NDUFC2: variants seen among roughly 807,000 people sequenced by gnomAD.
The protein encoded by NDUFC2 is NADH dehydrogenase [ubiquinone] 1 subunit C2.
In NDUFC2, 2 loss-of-function variants were observed where a neutral mutation model predicts 10.1. The ratio of observed to expected loss-of-function variants is 0.20; its 90% CI spans 0.08 to 0.62. The LOEUF (loss-of-function observed/expected upper bound fraction) is 0.62, where lower values mean the gene tolerates loss of function less well. NDUFC2 is among the 20% of genes least tolerant of loss of function. NDUFC2 has a pLI of 0.87. For missense variants in NDUFC2, 156 were observed against 159.6 expected, an observed-to-expected ratio of 0.98 and a Z score of 0.12; for synonymous variants, 61 against 63.6, an observed-to-expected ratio of 0.96 and a Z score of 0.20.
chr11:78,073,017 T>A lies in NDUFC2; in HGVS notation c.291A>T (p.Pro97=). Residue 97 remains proline (P), a synonymous_variant, in exon 2 of 3, where the codon CCA becomes CCT. Transcript: ENST00000281031. ...REMFGYMKLH[P]EDFPEEDKKT... is the part of the protein sequence containing the mutation. ...AAATACCTTCTTCAGGAAAATCCTC[T>A]GGATGTAATTTCATATATCCAAACA... The A allele has an allele frequency of 6.2e-7, 1 of 1,612,606 alleles. No individual in the cohort carries two copies. Among genetic ancestry groups the A allele is most frequent in the Non-Finnish European group, 8.5e-7 (1 of 1,179,750 alleles).
At chr11:78,075,974 C>A (rs1184980446) in intron 1 of NDUFC2, among the ~76,000 whole-genome samples, 2 of 152,188 alleles carry the variant, frequency 1.3e-5, no homozygotes, top group African/African-American at 4.8e-5. Context: ...ACTCCTCCAA[C>A]TGTCTTAGAA....
intron 1 of NDUFC2, 76 bp from the exon 2 acceptor site, chr11:78,073,217 C>T (rs919985340): frequency 4.2e-5 from 68 of 1,602,128 alleles, no homozygotes; most frequent in African/African-American, 5.4e-5. Context: ...TTTGGCTGGA[C>T]GCAGTGGCTC....
At chr11:78,078,790 A>G (rs1859367660) in intron 1 of NDUFC2, among the ~76,000 whole-genome samples, 1 of 126,858 alleles carries the variant, frequency 7.9e-6, no homozygotes, top group South Asian at 2.7e-4. Flanking sequence ...CAATGGTGCA[A>G]TCTCGGCTTA....
rs1858885713 is a variant in NDUFC2 at position 78,069,305 on chromosome 11, T to C, written c.*682A>G. 6.5e-6 allele frequency: 1 copy of C among 152,868 alleles called. No individual in the cohort carries two copies. Among genetic ancestry groups the C allele is most frequent in the South Asian group, 2.1e-4 (1 of 4,850 alleles). 9.5% of individuals were successfully genotyped at this position (152,868 alleles called of 1,614,324 possible). On this transcript the variant is annotated 3_prime_UTR_variant, in exon 3 of 3. Coordinates refer to ENST00000281031, the MANE Select transcript of NDUFC2 (RefSeq NM_004549.6). ...AGTATTAGCTCCTGAGTCCATTTTCTCCAGGATAACCCACCTAAGAGCAAA... is the reference window on the plus strand; with the variant it reads ...AGTATTAGCTCCTGAGTCCATTTTCCCCAGGATAACCCACCTAAGAGCAAA...
rs2136849020 is a variant in NDUFC2 at position 78,079,591 on chromosome 11, T to C, written c.154A>G (p.Ile52Val). 1 of 1,553,036 alleles carries C rather than the reference T, an allele frequency of 6.4e-7. No individual in the cohort carries two copies. The highest frequency in any genetic ancestry group is 8.7e-7 in the Non-Finnish European group (1 of 1,148,724). The part of the protein sequence containing the change: ...LIDNLIRRRP[I>V]ATAGLHRQLL... Reference sequence around the variant, plus strand: ...GCGCAGCACTCACCAGCCGTCGCGATCGGCCTCCGCCGGATTAGGTTATCA... The same window carrying C: ...GCGCAGCACTCACCAGCCGTCGCGACCGGCCTCCGCCGGATTAGGTTATCA... The change falls in exon 1 of 3, where the codon ATC (isoleucine) becomes GTC (valine). Residue 52 changes from isoleucine to valine, a missense_variant. Transcript: ENST00000281031.
intron 2 of NDUFC2, 73 bp from the exon 3 acceptor site, chr11:78,070,109 T>G (rs1858934285): frequency 9.7e-7 from 1 of 1,030,660 alleles, no homozygotes; most frequent in Admixed American, 2.3e-5. Context: ...AAACGAAAAT[T>G]AACACTCACT....
chr11:78,079,610 G>A lies in NDUFC2; in HGVS notation c.135C>T (p.Asn45=). 6.4e-7 allele frequency: 1 copy of A among 1,563,202 alleles called. No homozygotes were observed. Among genetic ancestry groups the A allele is most frequent in the Non-Finnish European group, 8.7e-7 (1 of 1,154,330 alleles). The change falls in exon 1 of 3, where the codon AAC becomes AAT. Residue 45 remains asparagine, a synonymous_variant. Transcript: ENST00000281031. ...FLGYCSGLID[N]LIRRRPIATA... is the part of the protein sequence containing the mutation. The stretch of plus-strand genomic sequence containing the variant: ...TCGCGATCGGCCTCCGCCGGATTAG[G>A]TTATCAATCAGGCCGGAGCAGTAGC...
chr11:78,071,413 C>T (rs1294987587), intron 2 of NDUFC2, among the ~76,000 whole-genome samples: 1 of 152,092 alleles, frequency 6.6e-6, no homozygotes, highest in Non-Finnish European at 1.5e-5. Flanking sequence ...TGTGCCACCT[C>T]ACCCAGCTAA....
chr11:78,074,754 A>G (rs1306682964), intron 1 of NDUFC2, among the ~76,000 whole-genome samples: 1 of 152,254 alleles, frequency 6.6e-6, no homozygotes, highest in Non-Finnish European at 1.5e-5. Context: ...AACTGGACAG[A>G]GCACTCTCTC....
rs11544625 is a variant in NDUFC2, at chr11:78,079,705, G to A, written c.40C>T (p.Pro14Ser). Reference sequence around the variant, plus strand: ...GGGGGCAGGCTCCGGGCCTCATCCGGCAGAAACCGTAAGGGTTCTGGGTTC... The same window carrying A: ...GGGGGCAGGCTCCGGGCCTCATCCGACAGAAACCGTAAGGGTTCTGGGTTC... ...RRNPEPLRFL[P>S]DEARSLPPPK... Residue 14 changes from proline to serine, a missense_variant, in exon 1 of 3, where the codon CCG (proline) becomes TCG (serine). Coordinates refer to ENST00000281031, the MANE Select transcript of NDUFC2 (RefSeq NM_004549.6). 2 of 1,609,842 alleles carry A rather than the reference G, an allele frequency of 1.2e-6. No homozygotes were observed. The highest frequency in any genetic ancestry group is 8.5e-7 in the Non-Finnish European group (1 of 1,178,426).
chr11:78,076,435 C>T lies in NDUFC2; in HGVS notation c.166+3144G>A, dbSNP rs192272553. 7.9e-5 allele frequency among the ~76,000 whole-genome samples: 12 copies of T among 152,356 alleles called. No homozygotes were observed. In the East Asian group the frequency reaches 1.4e-3, roughly 17 times the overall value. On this transcript the variant is annotated intron_variant, in intron 1 of 2. Transcript: ENST00000281031. ...GGGATTACAGGCATGAGCCACCACA[C>T]GTGACCTCACTCAATACTTACTGAA...
At chr11:78,073,705 G>A (rs183742191) in intron 1 of NDUFC2, among the ~76,000 whole-genome samples, 2 of 149,334 alleles carry the variant, frequency 1.3e-5, no homozygotes, top group Admixed American at 6.8e-5. Flanking sequence ...GGGTGGCTGA[G>A]GCAGGAGAAT....
In NDUFC2 at chr11:78,073,104, A is replaced by G. The variant is rs1590779728; in HGVS notation, c.204T>C (p.Phe68=). 6.2e-7 allele frequency: 1 copy of G among 1,613,846 alleles called. No homozygotes were observed. The highest frequency in any genetic ancestry group is 8.5e-7 in the Non-Finnish European group (1 of 1,179,974). ...GTTTTACAAGATAATATCCAGCAAA[A>G]AAAAAGGCCGTAATATATAGAAGCT... The part of the protein sequence containing the change: ...HRQLLYITAF[F]FAGYYLVKRE... The change falls in exon 2 of 3, where the codon TTT becomes TTC. Residue 68 remains phenylalanine, a synonymous_variant. Transcript: ENST00000281031.
At chr11:78,070,063 T>A in intron 2 of NDUFC2, 27 bp from the exon 3 acceptor site, 1 of 1,438,184 alleles carries the variant, frequency 7.0e-7, no homozygotes, top group Non-Finnish European at 9.6e-7. Flanking sequence ...CATAAAAGAT[T>A]TATTTTAAAA....
rs764539995 is a variant in NDUFC2 at position 78,069,940 on chromosome 11, C to T, written c.*47G>A. ...CATAAGAAACATGTTCCATCAAATTCAGAAACAGCAGGTATCAGTGAAACT... is the reference window on the plus strand; with the variant it reads ...CATAAGAAACATGTTCCATCAAATTTAGAAACAGCAGGTATCAGTGAAACT... On this transcript the variant is annotated 3_prime_UTR_variant, in exon 3 of 3. Coordinates refer to ENST00000281031, the MANE Select transcript of NDUFC2 (RefSeq NM_004549.6). 2 of 1,613,432 alleles carry T rather than the reference C, an allele frequency of 1.2e-6. No individual in the cohort carries two copies. The highest frequency in any genetic ancestry group is 1.6e-4 in the Middle Eastern group (1 of 6,062).
intron 2 of NDUFC2, among the ~76,000 whole-genome samples, chr11:78,072,006 G>A (rs1265534463): frequency 6.6e-6 from 1 of 152,084 alleles, no homozygotes; most frequent in Non-Finnish European, 1.5e-5. Context: ...AAACAAAGAC[G>A]AAGCTACAAT....
intron 2 of NDUFC2, among the ~76,000 whole-genome samples, chr11:78,070,991 C>A (rs1858977764): frequency 6.6e-6 from 1 of 152,228 alleles, no homozygotes; most frequent in African/African-American, 2.4e-5. Context: ...TCCAAGATGA[C>A]TTCCAGCTCT....
intron 2 of NDUFC2, among the ~76,000 whole-genome samples, chr11:78,071,945 T>G (rs1350603829): frequency 6.6e-6 from 1 of 152,220 alleles, no homozygotes; most frequent in Non-Finnish European, 1.5e-5. Flanking sequence ...TATCCACTAT[T>G]ATGCATAAGT....
At chr11:78,074,761 T>C (rs775478684) in intron 1 of NDUFC2, among the ~76,000 whole-genome samples, 6 of 152,136 alleles carry the variant, frequency 3.9e-5, no homozygotes, top group Non-Finnish European at 8.8e-5. Flanking sequence ...CAGAGCACTC[T>C]CTCTTACCCC....
Sources: gnomAD v4.1 joint callset for allele counts (sites outside exome capture counted in the v4.1 genomes callset) on GRCh38, gnomAD v4.1.1 for gene constraint, MANE v1.5 for transcripts, NCBI Gene and HGNC (gene_info 2026-07-23, HGNC 2026-07-21) for gene names.